Variants in PITPNC1 observed in about 807,000 individuals in gnomAD.
PITPNC1 encodes phosphatidylinositol transfer protein cytoplasmic 1, also known as cytoplasmic phosphatidylinositol transfer protein 1.
PITPNC1 carries 18 observed loss-of-function variants against 44.7 expected under a neutral mutation model. The observed-to-expected ratio is 0.40, with a 90% CI of 0.28 to 0.60. The LOEUF is 0.60. PITPNC1 is among the 20% of genes least tolerant of loss of function. The pLI, the probability that PITPNC1 is intolerant of heterozygous loss-of-function variation, is 0.39. For missense variants in PITPNC1, 290 were observed against 418.4 expected (o/e 0.69, Z 2.68); for synonymous variants, 141 against 149.6 (o/e 0.94, Z 0.42).
At chr17:67,527,011 AATG>A (rs139628699) in intron 1 of PITPNC1, among the ~76,000 whole-genome samples, 20,749 of 152,040 alleles carry the variant, frequency 0.14, 1,588 homozygotes, top group Middle Eastern at 0.22. Context: ...GATTGCCTGT[AATG>A]ATGATTACCC....
chr17:67,497,910 G>A (rs916799660), intron 1 of PITPNC1, among the ~76,000 whole-genome samples: 3 of 151,390 alleles, frequency 2.0e-5, no homozygotes, highest in Admixed American at 6.6e-5. Context: ...GCCCAGGCTG[G>A]AGTGCAGTGG....
rs1167586845 is a variant in PITPNC1 at position 67,676,527 on chromosome 17, C to T, written c.682+985C>T. 6.6e-6 allele frequency among the ~76,000 whole-genome samples: 1 copy of T among 152,176 alleles called. No individual in the cohort carries two copies. Among genetic ancestry groups the T allele is most frequent in the East Asian group, 1.9e-4 (1 of 5,188 alleles). On this transcript the variant is annotated intron_variant, in intron 8 of 8. Transcript: ENST00000581322. The surrounding 1 kb of genome is among the most constrained non-coding windows in gnomAD (Gnocchi z 4.0). ...GTCCTTGGCTATAAATAGAAAGGAACACGCCCCACCGGTGACTTAGGTTAG... is the reference window on the plus strand; with the variant it reads ...GTCCTTGGCTATAAATAGAAAGGAATACGCCCCACCGGTGACTTAGGTTAG...
In PITPNC1 at chr17:67,416,203, C is replaced by CTTTTTTTTTTTTTT. The variant is rs71687631; in HGVS notation, c.48+38013_48+38026dup. Among the ~76,000 whole-genome samples the CTTTTTTTTTTTTTT allele has an allele frequency of 2.8e-4, 19 of 67,614 alleles. 2 individuals carry two copies. Among genetic ancestry groups the CTTTTTTTTTTTTTT allele is most frequent in the Admixed American group, 6.7e-4 (3 of 4,458 alleles). 44.4% of individuals were successfully genotyped at this position (67,614 alleles called of 152,430 possible). On this transcript the variant is annotated intron_variant, in intron 1 of 8. Coordinates refer to ENST00000581322, the MANE Select transcript of PITPNC1 (RefSeq NM_012417.4). ...TCCCTTTCCTTGTTTACATGTATTG[C>CTTTTTTTTTTTTTT]TTTTTTTTTTTTTTTTTTTTTTTTT...
intron 2 of PITPNC1, among the ~76,000 whole-genome samples, chr17:67,550,241 G>C (rs973358651): frequency 1.3e-5 from 2 of 152,182 alleles, no homozygotes; most frequent in Admixed American, 6.5e-5. Flanking sequence ...AACTGCTTCT[G>C]CTGACTCCTC....
chr17:67,680,135 T>A (rs1181802757), intron 8 of PITPNC1, among the ~76,000 whole-genome samples: 1 of 152,170 alleles, frequency 6.6e-6, no homozygotes, highest in East Asian at 1.9e-4. Flanking sequence ...AGGGGTTGCA[T>A]GAGCTGGTTG....
chr17:67,545,438 T>G (rs2040666179), intron 2 of PITPNC1, among the ~76,000 whole-genome samples: 1 of 151,858 alleles, frequency 6.6e-6, no homozygotes, highest in Non-Finnish European at 1.5e-5. Context: ...ATTAACCAGG[T>G]GTGGTGGCAT....
chr17:67,546,063 C>T lies in PITPNC1; in HGVS notation c.198-6194C>T, dbSNP rs116077408. Among the ~76,000 whole-genome samples, 536 of 151,858 alleles carry T rather than the reference C, an allele frequency of 3.5e-3. 1 individual carries two copies. Among genetic ancestry groups the T allele is most frequent in the African/African-American group, 0.012 (490 of 41,372 alleles). ...AAAAAATTAACCGGGAGTGGTGTCC[C>T]GCGCCTGTAGTCCCAGCTACTCGGG... On this transcript the variant is annotated intron_variant, in intron 2 of 8. Transcript: ENST00000581322.
intron 4 of PITPNC1, among the ~76,000 whole-genome samples, chr17:67,558,084 A>G (rs1205659431): frequency 2.0e-5 from 3 of 152,190 alleles, no homozygotes; most frequent in Admixed American, 6.5e-5. Flanking sequence ...TGTTTAGCCT[A>G]TTACTCAGAC....
chr17:67,619,251 A>T (rs1327874916), intron 5 of PITPNC1, among the ~76,000 whole-genome samples: 1 of 152,172 alleles, frequency 6.6e-6, no homozygotes, highest in Non-Finnish European at 1.5e-5. Flanking sequence ...AATGACCATG[A>T]TGCTGAATTT....
chr17:67,519,972 C>T (rs1030094674), intron 1 of PITPNC1, among the ~76,000 whole-genome samples: 6 of 152,154 alleles, frequency 3.9e-5, no homozygotes, highest in African/African-American at 1.2e-4. Context: ...TAAGAACTCC[C>T]GCTGTTCAAT....
chr17:67,582,584 T>TA lies in PITPNC1; in HGVS notation c.366+4341dup, dbSNP rs11343907. Among the ~76,000 whole-genome samples the TA allele has an allele frequency of 4.5e-3, 656 of 145,566 alleles. 4 individuals are homozygous for TA. The highest frequency in any genetic ancestry group is 0.01 in the African/African-American group (414 of 39,900). On this transcript the variant is annotated intron_variant, in intron 5 of 8. Transcript: ENST00000581322. ...TTTTTTGACGTGACCCAATATCTAG[T>TA]AAAAAAAAAAAAAATAGTGGCAGTA... is the stretch of plus-strand genomic sequence containing the variant.
intron 8 of PITPNC1, among the ~76,000 whole-genome samples, chr17:67,686,053 A>T (rs907448277): frequency 1.6e-4 from 24 of 148,698 alleles, no homozygotes; most frequent in African/African-American, 5.7e-4. Flanking sequence ...CTGGTCTTGA[A>T]CTCCTGACCT....
rs1327354070 is a variant in PITPNC1, at chr17:67,597,254, T to C, written c.366+18997T>C. 6.6e-6 allele frequency among the ~76,000 whole-genome samples: 1 copy of C among 152,008 alleles called. No individual in the cohort carries two copies. Among genetic ancestry groups the C allele is most frequent in the Non-Finnish European group, 1.5e-5 (1 of 68,008 alleles). On this transcript the variant is annotated intron_variant, in intron 5 of 8. Coordinates refer to ENST00000581322, the MANE Select transcript of PITPNC1 (RefSeq NM_012417.4). This position sits in a 1 kb window ranked among gnomAD's most constrained non-coding sequence, Gnocchi z 4.0. ...TGACATATCATAGATGTTCAGTAAATATCAATTATCTTCCTCAGGCTGAGC... is the reference window on the plus strand; with the variant it reads ...TGACATATCATAGATGTTCAGTAAACATCAATTATCTTCCTCAGGCTGAGC...
intron 1 of PITPNC1, among the ~76,000 whole-genome samples, chr17:67,459,113 C>CTTTTTTTTTTTTTTTTTTT (rs886333854): frequency 1.0e-4 from 10 of 95,718 alleles, no homozygotes; most frequent in East Asian, 2.8e-4. Flanking sequence ...TTTTCTTTTT[C>CTTTTTTTTTTTTTTTTTTT]TTTTTTTTTT....
At chr17:67,494,545 G>T (rs2039916947) in intron 1 of PITPNC1, among the ~76,000 whole-genome samples, 1 of 152,030 alleles carries the variant, frequency 6.6e-6, no homozygotes, top group Admixed American at 6.6e-5. Context: ...AACTTTTATA[G>T]ATTTATCAAT....
intron 2 of PITPNC1, among the ~76,000 whole-genome samples, chr17:67,539,864 A>G (rs1462481304): frequency 1.3e-5 from 2 of 152,124 alleles, no homozygotes; most frequent in Non-Finnish European, 2.9e-5. Context: ...AAATGTATAT[A>G]TACACATATA....
chr17:67,430,341 A>G (rs1228887342), intron 1 of PITPNC1, among the ~76,000 whole-genome samples: 1 of 151,770 alleles, frequency 6.6e-6, no homozygotes, highest in Non-Finnish European at 1.5e-5. Context: ...CCCTGTCTCT[A>G]CTAAGACACA....
chr17:67,507,092 A>G (rs2040114184), intron 1 of PITPNC1, among the ~76,000 whole-genome samples: 1 of 152,222 alleles, frequency 6.6e-6, no homozygotes, highest in African/African-American at 2.4e-5. Flanking sequence ...ATCCCACTTC[A>G]ACGAGTCACT....
Position 67,377,862 on chromosome 17 carries a change from TC to T in PITPNC1, c.-292del, listed in dbSNP as rs2037895406. 4 of 362,418 alleles carry T rather than the reference TC, an allele frequency of 1.1e-5. No individual in the cohort carries two copies. Among genetic ancestry groups the T allele is most frequent in the Non-Finnish European group, 2.0e-5 (4 of 203,536 alleles). The allele number at this position is 362,418 out of a possible 1,614,324, so 22.5% of individuals were successfully genotyped here. On this transcript the variant is annotated 5_prime_UTR_variant, in exon 1 of 9. Coordinates refer to ENST00000581322, the MANE Select transcript of PITPNC1 (RefSeq NM_012417.4). ...TACCACCCTGGGCAGCCGAGCAGAG[TC>T]GTCCCCAGCGGGTCTCCCTCCCTGC...
Sources: allele counts gnomAD v4.1 joint callset (sites outside exome capture counted in the v4.1 genomes callset), GRCh38; gene constraint gnomAD v4.1.1; non-coding constraint Gnocchi (gnomAD v3.1); transcripts MANE v1.5; gene names NCBI Gene and HGNC (gene_info 2026-07-23, HGNC 2026-07-21).